ASIC2: variants seen among roughly 807,000 people sequenced by gnomAD.
ASIC2 encodes acid-sensing ion channel 2.
In ASIC2, 25 loss-of-function variants were observed where a neutral mutation model predicts 57.3. The observed-to-expected ratio is 0.44, with a 90% CI of 0.32 to 0.61. The LOEUF is 0.61. Ranked by LOEUF, ASIC2 falls within the 20% of genes least tolerant of loss-of-function variation. ASIC2 has a pLI of 0.06. For synonymous variants in ASIC2, 319 were observed against 307.5 expected (o/e 1.04, Z -0.39); for missense variants, 641 against 738.1 (o/e 0.87, Z 1.52).
chr17:33,488,518 A>G (rs1238657795), intron 1 of ASIC2, among the ~76,000 whole-genome samples: 1 of 152,206 alleles, frequency 6.6e-6, no homozygotes, highest in Non-Finnish European at 1.5e-5. Flanking sequence ...TGCAAGTCCT[A>G]AAATGTGTTT....
intron 1 of ASIC2, among the ~76,000 whole-genome samples, chr17:33,992,029 CA>C (rs988170355): frequency 6.2e-4 from 94 of 152,280 alleles, no homozygotes; most frequent in African/African-American, 2.1e-3. Flanking sequence ...GGCAGGGTGC[CA>C]GGCTTCTCAT....
chr17:33,871,953 C>A (rs1914424348), intron 1 of ASIC2, among the ~76,000 whole-genome samples: 1 of 152,022 alleles, frequency 6.6e-6, no homozygotes, highest in Non-Finnish European at 1.5e-5. Context: ...CTCAGAAAAA[C>A]AAGGAGGGGG....
intron 1 of ASIC2, among the ~76,000 whole-genome samples, chr17:33,795,425 A>C (rs1911888270): frequency 6.6e-6 from 1 of 152,260 alleles, no homozygotes; most frequent in South Asian, 2.1e-4. Flanking sequence ...CCTTCACAGA[A>C]GCCCTTGTTC....
chr17:33,912,534 T>C (rs912459929), intron 1 of ASIC2, among the ~76,000 whole-genome samples: 4 of 152,036 alleles, frequency 2.6e-5, no homozygotes, highest in African/African-American at 7.2e-5. Flanking sequence ...TAAATCTTTA[T>C]AGGCAATTCT....
intron 1 of ASIC2, among the ~76,000 whole-genome samples, chr17:34,012,110 G>A (rs1906788953): frequency 6.6e-6 from 1 of 152,142 alleles, no homozygotes; most frequent in Non-Finnish European, 1.5e-5. Flanking sequence ...AAGCCAGGGG[G>A]AGTCTAGAAG....
At chr17:33,321,476 C>T (rs1212280491) in intron 1 of ASIC2, among the ~76,000 whole-genome samples, 1 of 152,068 alleles carries the variant, frequency 6.6e-6, no homozygotes, top group Non-Finnish European at 1.5e-5. Context: ...AATATAAAGG[C>T]CTGCTTATTG....
intron 1 of ASIC2, among the ~76,000 whole-genome samples, chr17:33,817,818 C>A: frequency 6.6e-6 from 1 of 152,248 alleles, no homozygotes; most frequent in South Asian, 2.1e-4. Flanking sequence ...TCAGCATCAA[C>A]GGGGGCAGCT....
chr17:33,505,655 C>T (rs1210885129), intron 1 of ASIC2, among the ~76,000 whole-genome samples: 2 of 152,370 alleles, frequency 1.3e-5, no homozygotes, highest in African/African-American at 2.4e-5. Context: ...TCAGATTCAA[C>T]TTAAGCTTAA....
intron 1 of ASIC2, among the ~76,000 whole-genome samples, chr17:33,418,377 A>G (rs1461684170): frequency 6.6e-6 from 1 of 152,092 alleles, no homozygotes; most frequent in Non-Finnish European, 1.5e-5. Context: ...TAAAAAAAAA[A>G]TCCCATTTGT....
intron 1 of ASIC2, among the ~76,000 whole-genome samples, chr17:33,566,246 T>G (rs1428044485): frequency 1.3e-5 from 2 of 152,178 alleles, no homozygotes; most frequent in African/African-American, 4.8e-5. Flanking sequence ...ATTTTGTTTG[T>G]TTGGTTGGTT....
intron 1 of ASIC2, among the ~76,000 whole-genome samples, chr17:33,903,335 C>G (rs1000703040): frequency 6.6e-6 from 1 of 152,184 alleles, no homozygotes; most frequent in African/African-American, 2.4e-5. Flanking sequence ...ATCTGTCCCT[C>G]TGCTTATCTC....
In ASIC2 at chr17:33,403,716, C is replaced by A. The variant is rs1045557045; in HGVS notation, c.556-291649G>T. On this transcript the variant is annotated intron_variant, in intron 1 of 9. Coordinates refer to the ASIC2 transcript ENST00000359872. ...AAACCAGCCTTCCTCATCAAGTAAC[C>A]AACCTCCATCATCATTTGACATTAC... Among the ~76,000 whole-genome samples the A allele has an allele frequency of 8.5e-5, 13 of 152,176 alleles. 1 individual carries two copies. The highest frequency in any genetic ancestry group is 8.5e-4 in the Admixed American group (13 of 15,280).
At chr17:34,130,514 A>T (rs1911920195) in intron 1 of ASIC2, among the ~76,000 whole-genome samples, 1 of 152,256 alleles carries the variant, frequency 6.6e-6, no homozygotes, top group Non-Finnish European at 1.5e-5. Context: ...TGTTGTCTGG[A>T]CACACAGGGA....
intron 1 of ASIC2, among the ~76,000 whole-genome samples, chr17:33,237,927 C>CACACTGTGGTCAAGGACTTCTCAT (rs1217607661): frequency 3.3e-5 from 5 of 152,282 alleles, no homozygotes; most frequent in African/African-American, 9.6e-5. Flanking sequence ...TCCTGTGCCT[C>CACACTGTGGTCAAGGACTTCTCAT]ACACTGTGGT....
intron 2 of ASIC2, among the ~76,000 whole-genome samples, chr17:33,106,688 C>T (rs2092236052): frequency 6.6e-6 from 1 of 152,170 alleles, no homozygotes; most frequent in Admixed American, 6.5e-5. Context: ...TTCCCCTGCC[C>T]ACTGCTGATT....
At chr17:33,682,317 G>A (rs530342591) in intron 1 of ASIC2, among the ~76,000 whole-genome samples, 15 of 151,500 alleles carry the variant, frequency 9.9e-5, no homozygotes, top group African/African-American at 3.2e-4. Context: ...AGCCCACCTC[G>A]GCCTCCCAAA....
intron 1 of ASIC2, among the ~76,000 whole-genome samples, chr17:34,083,421 A>G (rs1195144394): frequency 1.3e-5 from 2 of 151,616 alleles, no homozygotes; most frequent in Admixed American, 6.6e-5. Flanking sequence ...CCAGTCTATC[A>G]TTGTTGGACA....
chr17:33,028,172 A>C, intron 4 of ASIC2, 70 bp downstream of exon 4: 1 of 1,553,770 alleles, frequency 6.4e-7, no homozygotes, highest in Non-Finnish European at 8.8e-7. Flanking sequence ...GTTTCCCATT[A>C]GGATGAGAAA....
chr17:33,884,068 G>A (rs1012365311), intron 1 of ASIC2, among the ~76,000 whole-genome samples: 3 of 152,142 alleles, frequency 2.0e-5, no homozygotes, highest in Non-Finnish European at 2.9e-5. Context: ...GTTTGCAACC[G>A]CACACCTATG....
Sources: allele counts gnomAD v4.1 joint callset (sites outside exome capture counted in the v4.1 genomes callset), GRCh38; gene constraint gnomAD v4.1.1; transcripts MANE v1.5; gene names NCBI Gene and HGNC (gene_info 2026-07-23, HGNC 2026-07-21).